HOMER1: variants seen among roughly 807,000 people sequenced by gnomAD.
HOMER1 encodes homer scaffold protein 1.
Under a neutral mutation model 48.9 loss-of-function variants are expected in HOMER1, and 3 were observed. That is an observed-to-expected ratio of 0.06 (90% CI 0.03 to 0.16). HOMER1 has a LOEUF of 0.16. Among genes scored for constraint, HOMER1 ranks in the 10% least tolerant of loss-of-function variants. The pLI, the probability that HOMER1 is intolerant of heterozygous loss-of-function variation, is 1.00. For missense variants in HOMER1, 247 were observed against 411.4 expected (o/e 0.60, Z 3.46); for synonymous variants, 134 against 146.4 (o/e 0.92, Z 0.61).
Position 79,383,250 on chromosome 5 carries a change from A to G in HOMER1, c.877-7053T>C, listed in dbSNP as rs144820284. 3.8e-3 allele frequency among the ~76,000 whole-genome samples: 586 copies of G among 152,322 alleles called. 6 individuals are homozygous for G. Among genetic ancestry groups the G allele is most frequent in the African/African-American group, 0.014 (567 of 41,572 alleles). ...TAGATTGAAAGACAGATAGATTCCA[A>G]TACAATAATTTGTATGGTACTTCAA... is the stretch of plus-strand genomic sequence containing the variant. On this transcript the variant is annotated intron_variant, in intron 8 of 8. Transcript: ENST00000334082.
chr5:79,452,163 C>T (rs1472795944), intron 2 of HOMER1, among the ~76,000 whole-genome samples: 7 of 152,110 alleles, frequency 4.6e-5, no homozygotes, highest in African/African-American at 1.4e-4. Context: ...TTTTGATCCA[C>T]GTATAAGTGA....
chr5:79,489,187 A>C (rs949001491), intron 1 of HOMER1, among the ~76,000 whole-genome samples: 2 of 152,212 alleles, frequency 1.3e-5, no homozygotes, highest in South Asian at 4.1e-4. Flanking sequence ...AATATATAGC[A>C]CTATGAGGAT....
At chr5:79,432,843 T>TAA (rs148246833) in intron 5 of HOMER1, among the ~76,000 whole-genome samples, 1 of 151,960 alleles carries the variant, frequency 6.6e-6, no homozygotes, top group Non-Finnish European at 1.5e-5. Flanking sequence ...ACAATTATAG[T>TAA]AAAAAAATTC....
intron 5 of HOMER1, among the ~76,000 whole-genome samples, chr5:79,424,294 G>T (rs1750183330): frequency 6.6e-6 from 1 of 151,838 alleles, no homozygotes; most frequent in African/African-American, 2.4e-5. Flanking sequence ...TCCAGAAGAG[G>T]TATGAATAAT....
intron 1 of HOMER1, among the ~76,000 whole-genome samples, chr5:79,457,386 GC>G: frequency 6.6e-6 from 1 of 152,266 alleles, no homozygotes; most frequent in South Asian, 2.1e-4. Flanking sequence ...AAGTGACAAT[GC>G]CTTCTTGTTT....
At chr5:79,478,642 A>G (rs544990649) in intron 1 of HOMER1, among the ~76,000 whole-genome samples, 18 of 151,780 alleles carry the variant, frequency 1.2e-4, no homozygotes, top group Non-Finnish European at 1.8e-4. Context: ...CATTCAAAAT[A>G]ATTCCAATCT....
chr5:79,508,572 C>A (rs548314985), intron 1 of HOMER1, among the ~76,000 whole-genome samples: 1 of 152,326 alleles, frequency 6.6e-6, no homozygotes, highest in Non-Finnish European at 1.5e-5. Flanking sequence ...GCTTGTCATG[C>A]CAAACTCCTT....
At chr5:79,430,769 T>A (rs1338662657) in intron 5 of HOMER1, among the ~76,000 whole-genome samples, 1 of 151,458 alleles carries the variant, frequency 6.6e-6, no homozygotes, top group Non-Finnish European at 1.5e-5. Flanking sequence ...AAACCCCGTT[T>A]CTACTAAAAA....
intron 3 of HOMER1, among the ~76,000 whole-genome samples, chr5:79,450,074 C>T (rs1750991455): frequency 1.3e-5 from 2 of 152,186 alleles, no homozygotes; most frequent in East Asian, 3.9e-4. Context: ...TCTACAAGAG[C>T]CTGATTTCTC....
At chr5:79,380,578 G>A (rs1173145866) in intron 8 of HOMER1, among the ~76,000 whole-genome samples, 1 of 152,210 alleles carries the variant, frequency 6.6e-6, no homozygotes. Context: ...CTTCTGAGCA[G>A]CAGAACAACA....
intron 5 of HOMER1, among the ~76,000 whole-genome samples, chr5:79,436,246 T>C (rs1360037490): frequency 1.3e-5 from 2 of 152,246 alleles, no homozygotes; most frequent in African/African-American, 4.8e-5. Flanking sequence ...ACTTGTGAGT[T>C]TTAGATTTCA....
At chr5:79,387,882 G>A (rs1018676130) in intron 8 of HOMER1, among the ~76,000 whole-genome samples, 4 of 152,224 alleles carry the variant, frequency 2.6e-5, no homozygotes, top group East Asian at 1.9e-4. Context: ...CCATGACTTC[G>A]ACATAACTAG....
intron 1 of HOMER1, among the ~76,000 whole-genome samples, chr5:79,470,044 C>T (rs774830422): frequency 1.1e-4 from 16 of 152,234 alleles, no homozygotes; most frequent in Middle Eastern, 3.4e-3. Flanking sequence ...AAATATAATA[C>T]AGGAATACAA....
chr5:79,463,288 A>C (rs1751366005), intron 1 of HOMER1, among the ~76,000 whole-genome samples: 1 of 152,218 alleles, frequency 6.6e-6, no homozygotes, highest in Non-Finnish European at 1.5e-5. Context: ...AATTCCAAGA[A>C]ATAACCAAGA....
At position 79,507,953 on chromosome 5, in the gene HOMER1, C is replaced by A. The variant is rs547220668; in HGVS notation, c.5+4817G>T. ...TGAAATGTCCTAATTCTGAAAAAGC[C>A]CCGTTCAGCCAACTACACATCTCTC... On this transcript the variant is annotated intron_variant, in intron 1 of 8. Transcript: ENST00000334082. Among the ~76,000 whole-genome samples, 4 of 152,212 alleles carry A rather than the reference C, an allele frequency of 2.6e-5. No homozygotes were observed. In the South Asian group the frequency reaches 8.3e-4, roughly 32 times the overall value.
chr5:79,456,626 A>G (rs1751185021), intron 2 of HOMER1, among the ~76,000 whole-genome samples: 1 of 152,252 alleles, frequency 6.6e-6, no homozygotes, highest in Non-Finnish European at 1.5e-5. Context: ...CATTAAATAA[A>G]TGGAATGACC....
At chr5:79,469,849 T>G (rs1163254258) in intron 1 of HOMER1, among the ~76,000 whole-genome samples, 1 of 152,158 alleles carries the variant, frequency 6.6e-6, no homozygotes, top group Admixed American at 6.5e-5. Context: ...AAAACTCTTT[T>G]GTCAGATAAT....
At chr5:79,392,922 C>T (rs1434188907) in intron 8 of HOMER1, among the ~76,000 whole-genome samples, 4 of 148,424 alleles carry the variant, frequency 2.7e-5, no homozygotes, top group African/African-American at 1.0e-4. Context: ...TTACCACTGT[C>T]TTACGAGGGA....
intron 2 of HOMER1, among the ~76,000 whole-genome samples, chr5:79,453,128 A>G (rs545470426): frequency 5.8e-4 from 89 of 152,336 alleles, no homozygotes; most frequent in African/African-American, 2.1e-3. Context: ...TAAATAGCTG[A>G]CCAATGTAAT....
Sources: gnomAD v4.1 joint callset for allele counts (sites outside exome capture counted in the v4.1 genomes callset) on GRCh38, gnomAD v4.1.1 for gene constraint, MANE v1.5 for transcripts, NCBI Gene and HGNC (gene_info 2026-07-23, HGNC 2026-07-21) for gene names.